TG: variants seen among roughly 807,000 people sequenced by gnomAD.
TG encodes thyroglobulin.
TG carries 270 observed loss-of-function variants against 324.7 expected under a neutral mutation model. The observed-to-expected ratio is 0.83, with a 90% CI of 0.75 to 0.92. The LOEUF (loss-of-function observed/expected upper bound fraction) is 0.92, where lower values mean the gene tolerates loss of function less well. TG is among the 40% of genes least tolerant of loss of function. The probability of loss-of-function intolerance (pLI) is 0.00; values close to 1 mark genes in which losing one functional copy is unlikely to be tolerated. For synonymous variants in TG, 1,401 were observed against 1,327.0 expected (o/e 1.06, Z -1.21); for missense variants, 3,591 against 3,456.4 (o/e 1.04, Z -0.98).
chr8:133,121,699 A>G (rs1429459276), intron 45 of TG, among the ~76,000 whole-genome samples: 1 of 152,210 alleles, frequency 6.6e-6, no homozygotes, highest in Non-Finnish European at 1.5e-5. Context: ...AATGGGTATA[A>G]TAATAGGACC....
At chr8:132,875,374 A>T (rs1411344603) in intron 5 of TG, among the ~76,000 whole-genome samples, 1 of 152,192 alleles carries the variant, frequency 6.6e-6, no homozygotes, top group Non-Finnish European at 1.5e-5. Context: ...CCTTTAACTT[A>T]CCTTAATACT....
intron 41 of TG, chr8:133,037,714 T>C (rs945298020): frequency 2.0e-5 from 3 of 152,062 alleles, no homozygotes; most frequent in Admixed American, 1.3e-4. Context: ...AAATGAATAC[T>C]TGATGCATTC....
chr8:132,911,080 T>C (rs142214487), intron 18 of TG, among the ~76,000 whole-genome samples: 93 of 152,256 alleles, frequency 6.1e-4, no homozygotes, highest in African/African-American at 2.2e-3. Context: ...ATTTGCAGAG[T>C]TGGCTAAAGT....
At chr8:132,965,618 G>C (rs955158077) in intron 29 of TG, among the ~76,000 whole-genome samples, 8 of 152,228 alleles carry the variant, frequency 5.3e-5, no homozygotes, top group African/African-American at 1.7e-4. Flanking sequence ...CACTGGGCCT[G>C]GGTGTTGGGG....
chr8:132,935,923 A>T, intron 25 of TG, 59 bp downstream of exon 25: 1 of 1,402,680 alleles, frequency 7.1e-7, no homozygotes, highest in Non-Finnish European at 1.0e-6. Flanking sequence ...TCATGTTTGG[A>T]GCTGGTTTCC....
At chr8:133,050,746 C>A in intron 41 of TG, 2 of 1,039,966 alleles carry the variant, frequency 1.9e-6, no homozygotes, top group South Asian at 1.3e-5. Flanking sequence ...AGCTAACAAT[C>A]AAATACTTTT....
intron 35 of TG, among the ~76,000 whole-genome samples, chr8:132,993,395 T>A (rs1164882840): frequency 6.6e-6 from 1 of 152,194 alleles, no homozygotes; most frequent in East Asian, 1.9e-4. Flanking sequence ...GTTTAAAGAA[T>A]CTTTCTGCAT....
chr8:133,035,707 C>T (rs890058661), intron 41 of TG, among the ~76,000 whole-genome samples: 2 of 152,118 alleles, frequency 1.3e-5, no homozygotes, highest in Admixed American at 6.5e-5. Flanking sequence ...TTTATTTCAC[C>T]TTAAATCCCA....
intron 41 of TG, among the ~76,000 whole-genome samples, chr8:133,066,701 T>A (rs2131379498): frequency 6.6e-6 from 1 of 152,346 alleles, no homozygotes; most frequent in East Asian, 1.9e-4. Context: ...TGTGTATCGC[T>A]GGGCAAGTTA....
chr8:132,923,482 C>T lies in TG; in HGVS notation c.4673C>T (p.Ala1558Val), dbSNP rs762124117. ...GRRLPWWETEAPLEDSQCLMM... is the reference protein window; with the variant it reads ...GRRLPWWETEVPLEDSQCLMM... ...AGGCTGCCATGGTGGGAAACAGAGG[C>T]CCCTCTTGAGGACTCACAGTGTTTG... The change falls in exon 22 of 48, where the codon GCC becomes GTC. Residue 1558 changes from alanine (A) to valine (V), a missense_variant. Ala to Val is a moderately conservative substitution (Grantham distance 64). Coordinates refer to ENST00000220616, the MANE Select transcript of TG (RefSeq NM_003235.5). 1 of 1,613,866 alleles carries T rather than the reference C, an allele frequency of 6.2e-7. No individual in the cohort carries two copies. The highest frequency in any genetic ancestry group is 8.5e-7 in the Non-Finnish European group (1 of 1,179,984).
At chr8:132,977,574 C>T (rs561691865) in intron 34 of TG, among the ~76,000 whole-genome samples, 2 of 152,172 alleles carry the variant, frequency 1.3e-5, no homozygotes, top group South Asian at 2.1e-4. Flanking sequence ...GCCTCACAAT[C>T]GTGACGGAAG....
chr8:132,869,859 A>G, intron 3 of TG, 33 bp downstream of exon 3: 1 of 1,594,370 alleles, frequency 6.3e-7, no homozygotes, highest in Non-Finnish European at 8.6e-7. Context: ...CCTTGGAGGG[A>G]CCCTGCTAGG....
chr8:133,044,462 G>A (rs1838919813), intron 41 of TG, among the ~76,000 whole-genome samples: 1 of 152,144 alleles, frequency 6.6e-6, no homozygotes, highest in African/African-American at 2.4e-5. Context: ...ATACAGCCTA[G>A]CACACAATTA....
chr8:133,119,104 G>A (rs1850940314), intron 45 of TG, among the ~76,000 whole-genome samples: 1 of 152,128 alleles, frequency 6.6e-6, no homozygotes. Flanking sequence ...CTGGTTTTGG[G>A]CTTCTGGTCT....
rs143180951 is a variant in TG at position 133,030,764 on chromosome 8, T to G, written c.7239+741T>G. Among the ~76,000 whole-genome samples, 635 of 152,342 alleles carry G rather than the reference T, an allele frequency of 4.2e-3. 8 individuals carry two copies. Among genetic ancestry groups the G allele is most frequent in the African/African-American group, 0.014 (598 of 41,586 alleles). ...CCAAGCATAAGGGAAGGAGGGAGTT[T>G]GGATCAGCACATCCCTTGAGGGGAG... is the stretch of plus-strand genomic sequence containing the variant. On this transcript the variant is annotated intron_variant, in intron 41 of 47. Transcript: ENST00000220616.
Position 133,096,386 on chromosome 8 carries a change from G to A in TG, c.7572+13G>A, listed in dbSNP as rs536330266. The A allele has an allele frequency of 6.2e-7, 1 of 1,613,988 alleles. No individual in the cohort carries two copies. The highest frequency in any genetic ancestry group is 8.5e-7 in the Non-Finnish European group (1 of 1,179,992). ...AAAGGCTGTGAAGGTAAGCAGGGAG[G>A]GGGCCTCGGATGTCTCCAGCTGGGC... On this transcript the variant is annotated intron_variant, in intron 43 of 47. Coordinates refer to ENST00000220616, the MANE Select transcript of TG (RefSeq NM_003235.5).
chr8:132,947,038 T>G (rs374515769), intron 26 of TG, among the ~76,000 whole-genome samples: 1 of 152,152 alleles, frequency 6.6e-6, no homozygotes, highest in Non-Finnish European at 1.5e-5. Flanking sequence ...GGGCTCTGAG[T>G]GTGCCCCTTG....
At chr8:132,985,554 CAA>C (rs1484041997) in intron 35 of TG, among the ~76,000 whole-genome samples, 1 of 152,164 alleles carries the variant, frequency 6.6e-6, no homozygotes, top group Non-Finnish European at 1.5e-5. Context: ...GGGGTTGAAA[CAA>C]GAGTAAATCA....
At chr8:132,979,466 A>T (rs544228580) in intron 34 of TG, among the ~76,000 whole-genome samples, 2 of 152,200 alleles carry the variant, frequency 1.3e-5, no homozygotes, top group African/African-American at 4.8e-5. Context: ...GTGTCTCTGC[A>T]ACCCACATAG....
Sources: allele counts gnomAD v4.1 joint callset (sites outside exome capture counted in the v4.1 genomes callset), GRCh38; gene constraint gnomAD v4.1.1; transcripts MANE v1.5; gene names NCBI Gene and HGNC (gene_info 2026-07-23, HGNC 2026-07-21).